SCAI: variants seen among roughly 807,000 people sequenced by gnomAD.
SCAI encodes protein SCAI.
A neutral mutation model predicts 92.2 loss-of-function variants in SCAI; 24 were observed. The observed-to-expected ratio is 0.26, with a 90% CI of 0.19 to 0.37. SCAI has a LOEUF of 0.37. SCAI is among the 10% of genes least tolerant of loss of function. The pLI, the probability that SCAI is intolerant of heterozygous loss-of-function variation, is 1.00. For missense variants in SCAI, 450 were observed against 736.2 expected (o/e 0.61, Z 4.50); for synonymous variants, 261 against 258.6 (o/e 1.01, Z -0.09).
intron 2 of SCAI, among the ~76,000 whole-genome samples, chr9:125,074,141 C>A (rs1183335185): frequency 6.6e-6 from 1 of 151,478 alleles, no homozygotes; most frequent in Non-Finnish European, 1.5e-5. Context: ...CGCCTGTAGT[C>A]CCAGCTACTC....
At chr9:125,002,695 G>A (rs1832387512) in intron 11 of SCAI, among the ~76,000 whole-genome samples, 1 of 151,720 alleles carries the variant, frequency 6.6e-6, no homozygotes, top group Non-Finnish European at 1.5e-5. Flanking sequence ...TGTTGGTCAA[G>A]CTGTTCTTGA....
intron 17 of SCAI, among the ~76,000 whole-genome samples, chr9:124,969,858 A>AT (rs879834515): frequency 1.0e-3 from 156 of 148,958 alleles, no homozygotes; most frequent in African/African-American, 3.2e-3. Flanking sequence ...CAGTAACATC[A>AT]TTTTTTTTTT....
Position 124,973,998 on chromosome 9 carries a change from C to T in SCAI, c.1399+2116G>A, listed in dbSNP as rs144598201. ...TAGACATTATCTCATCCCCTTCCCT[C>T]GTCTTCATTGTGCTGCTAGTCAGGA... On this transcript the variant is annotated intron_variant, in intron 15 of 17. Coordinates refer to ENST00000336505, the MANE Select transcript of SCAI (RefSeq NM_001144877.3). 1.8e-3 allele frequency among the ~76,000 whole-genome samples: 268 copies of T among 152,314 alleles called. 3 individuals are homozygous for T. In the Middle Eastern group the frequency reaches 0.024, roughly 14 times the overall value.
chr9:125,086,112 T>G (rs938380384), intron 2 of SCAI, among the ~76,000 whole-genome samples: 3 of 152,242 alleles, frequency 2.0e-5, no homozygotes, highest in Non-Finnish European at 4.4e-5. Flanking sequence ...ACTCTTAAAA[T>G]ACTTTGCTTA....
At chr9:124,965,896 T>C (rs1831529427) in intron 17 of SCAI, among the ~76,000 whole-genome samples, 1 of 152,156 alleles carries the variant, frequency 6.6e-6, no homozygotes, top group Admixed American at 6.5e-5. Flanking sequence ...AAAAAATATG[T>C]GAGAACCACT....
chr9:124,964,295 A>C (rs925040596), intron 17 of SCAI, among the ~76,000 whole-genome samples: 12 of 152,306 alleles, frequency 7.9e-5, no homozygotes, highest in Non-Finnish European at 7.3e-5. Context: ...GGTGTCTATT[A>C]GCTCTTGAAT....
intron 3 of SCAI, among the ~76,000 whole-genome samples, chr9:125,035,559 T>G (rs1393007671): frequency 6.6e-6 from 1 of 152,186 alleles, no homozygotes; most frequent in Non-Finnish European, 1.5e-5. Context: ...GAGTAAACTT[T>G]ATGCCTTAGT....
intron 14 of SCAI, among the ~76,000 whole-genome samples, chr9:124,983,803 T>G (rs994358493): frequency 1.3e-5 from 2 of 152,246 alleles, no homozygotes; most frequent in Admixed American, 1.3e-4. Flanking sequence ...GGTTTTACAG[T>G]CCATTGTTTT....
intron 2 of SCAI, among the ~76,000 whole-genome samples, chr9:125,075,173 T>A (rs546880551): frequency 6.6e-6 from 1 of 152,204 alleles, no homozygotes; most frequent in South Asian, 2.1e-4. Context: ...TAAGGAAGCA[T>A]GACTCAAAGT....
At chr9:124,959,463 C>CATAT (rs749324371) in intron 17 of SCAI, among the ~76,000 whole-genome samples, 200 of 116,114 alleles carry the variant, frequency 1.7e-3, no homozygotes, top group Admixed American at 3.7e-3. Flanking sequence ...CTAGCAATTT[C>CATAT]ATATATATAT....
chr9:125,130,255 G>A (rs182623050), intron 2 of SCAI, among the ~76,000 whole-genome samples: 1 of 152,182 alleles, frequency 6.6e-6, no homozygotes, highest in Non-Finnish European at 1.5e-5. Context: ...AGACACAAAC[G>A]GAACAGAGAA....
Position 125,143,447 on chromosome 9 carries a change from G to A in SCAI, c.-10C>T. 1 of 1,359,198 alleles carries A rather than the reference G, an allele frequency of 7.4e-7. No homozygotes were observed. Among genetic ancestry groups the A allele is most frequent in the South Asian group, 1.7e-5 (1 of 59,674 alleles). 84.2% of individuals were successfully genotyped at this position (1,359,198 alleles called of 1,614,324 possible). On this transcript the variant is annotated 5_prime_UTR_variant, in exon 1 of 18. Transcript: ENST00000336505. ...GGGCTCCTCTGACCATCCGGCTCCT[G>A]CTCCGCCGCGGGAGCTGCTCCGGCG...
intron 14 of SCAI, among the ~76,000 whole-genome samples, chr9:124,984,331 G>A (rs1831944571): frequency 1.3e-5 from 2 of 152,158 alleles, no homozygotes; most frequent in South Asian, 2.1e-4. Flanking sequence ...AAAAAATAAA[G>A]CCTTTCTTCT....
intron 2 of SCAI, among the ~76,000 whole-genome samples, chr9:125,090,686 T>C (rs1372223589): frequency 6.6e-6 from 1 of 152,194 alleles, no homozygotes; most frequent in Non-Finnish European, 1.5e-5. Context: ...ATTCTTGACA[T>C]AGCAGCGACC....
chr9:125,084,488 A>G (rs1254874330), intron 2 of SCAI, among the ~76,000 whole-genome samples: 2 of 151,884 alleles, frequency 1.3e-5, no homozygotes, highest in African/African-American at 4.8e-5. Flanking sequence ...CTTTTTAAGC[A>G]CTACGTAAAA....
At chr9:125,104,284 G>C (rs767815606) in intron 2 of SCAI, among the ~76,000 whole-genome samples, 6 of 152,128 alleles carry the variant, frequency 3.9e-5, no homozygotes, top group Admixed American at 2.6e-4. Flanking sequence ...AAACGACAAA[G>C]GAGTGTCCAG....
At chr9:125,128,116 C>T (rs1436939031) in intron 2 of SCAI, among the ~76,000 whole-genome samples, 1 of 152,064 alleles carries the variant, frequency 6.6e-6, no homozygotes, top group Non-Finnish European at 1.5e-5. Flanking sequence ...AATTTGCAAC[C>T]AGCCTGGGTA....
At chr9:125,132,489 G>A (rs917624899) in intron 2 of SCAI, among the ~76,000 whole-genome samples, 6 of 152,044 alleles carry the variant, frequency 3.9e-5, no homozygotes, top group African/African-American at 7.2e-5. Flanking sequence ...GGATCACCAC[G>A]TGTTTGCTGA....
At chr9:125,048,669 TA>T (rs1366351133) in intron 3 of SCAI, among the ~76,000 whole-genome samples, 1 of 152,114 alleles carries the variant, frequency 6.6e-6, no homozygotes, top group African/African-American at 2.4e-5. Context: ...AACAGGCTTC[TA>T]AAGGAAGCAT....
Sources: gnomAD v4.1 joint callset for allele counts (sites outside exome capture counted in the v4.1 genomes callset) on GRCh38, gnomAD v4.1.1 for gene constraint, MANE v1.5 for transcripts, NCBI Gene and HGNC (gene_info 2026-07-23, HGNC 2026-07-21) for gene names.